The following TOX2 variants were observed in gnomAD, a reference collection of about 807,000 sequenced individuals.
TOX2 encodes the protein TOX high mobility group box family member 2.
A neutral mutation model predicts 47.4 loss-of-function variants in TOX2; 15 were observed. The ratio of observed to expected loss-of-function variants is 0.32; its 90% CI spans 0.21 to 0.49. The LOEUF is 0.49. TOX2 is among the 20% of genes least tolerant of loss of function. The pLI is 0.99. For synonymous variants in TOX2, 290 were observed against 296.6 expected (o/e 0.98, Z 0.23); for missense variants, 622 against 673.1 (o/e 0.92, Z 0.84).
At chr20:44,000,277 G>A (rs1216291442) in intron 2 of TOX2, among the ~76,000 whole-genome samples, 1 of 152,190 alleles carries the variant, frequency 6.6e-6, no homozygotes, top group African/African-American at 2.4e-5. Context: ...AGGCAGGGAG[G>A]CCAAGAGGCC....
chr20:44,038,933 TC>T, intron 3 of TOX2: 1 of 1,182,698 alleles, frequency 8.5e-7, no homozygotes, highest in African/African-American at 1.6e-5. Flanking sequence ...CACAGCCGCC[TC>T]GTTCCTGCTG....
intron 5 of TOX2, among the ~76,000 whole-genome samples, chr20:44,057,466 C>A (rs2071641176): frequency 1.3e-5 from 2 of 151,642 alleles, no homozygotes; most frequent in African/African-American, 2.4e-5. Context: ...CACTAATAAC[C>A]AAGAGAGGTA....
intron 1 of TOX2, among the ~76,000 whole-genome samples, chr20:43,946,481 G>T (rs1316959187): frequency 6.6e-6 from 1 of 152,140 alleles, no homozygotes; most frequent in Non-Finnish European, 1.5e-5. Context: ...AAGGCAAGAC[G>T]GGTGAGAAGC....
rs748564309 is a variant in TOX2 at position 44,054,399 on chromosome 20, C to T, written c.752C>T (p.Ser251Leu). ...KDPNEPQKPVSAYALFFRDTQ... is the reference protein window; with the variant it reads ...KDPNEPQKPVLAYALFFRDTQ... ...CCCAATGAGCCGCAGAAGCCTGTGTCGGCCTACGCACTCTTCTTCAGAGAC... is the reference window on the plus strand; with the variant it reads ...CCCAATGAGCCGCAGAAGCCTGTGTTGGCCTACGCACTCTTCTTCAGAGAC... Residue 251 changes from serine (S) to leucine (L), a missense_variant, in exon 5 of 9, where the codon TCG (serine) becomes TTG (leucine). Transcript: ENST00000341197. 4 of 1,611,884 alleles carry T rather than the reference C, an allele frequency of 2.5e-6. No individual in the cohort carries two copies. Among genetic ancestry groups the T allele is most frequent in the African/African-American group, 1.3e-5 (1 of 74,626 alleles).
At chr20:43,931,715 T>C (rs961930438) in intron 1 of TOX2, among the ~76,000 whole-genome samples, 5 of 151,942 alleles carry the variant, frequency 3.3e-5, no homozygotes, top group Non-Finnish European at 4.4e-5. Context: ...GGGGCAAGAG[T>C]GGAGGCAGGA....
chr20:43,983,330 G>A (rs1324410286), intron 2 of TOX2, among the ~76,000 whole-genome samples: 1 of 152,184 alleles, frequency 6.6e-6, no homozygotes, highest in Non-Finnish European at 1.5e-5. Context: ...CCACCATCAT[G>A]TTTGTGCAGC....
chr20:44,030,355 A>C (rs965393322), intron 3 of TOX2, among the ~76,000 whole-genome samples: 3 of 152,144 alleles, frequency 2.0e-5, no homozygotes, highest in Admixed American at 1.3e-4. Flanking sequence ...GGAAGTTGCC[A>C]CCTACTCTTA....
chr20:43,943,802 A>G (rs1374846872), intron 1 of TOX2, among the ~76,000 whole-genome samples: 2 of 152,220 alleles, frequency 1.3e-5, no homozygotes, highest in African/African-American at 4.8e-5. Flanking sequence ...GCTTCTTGCA[A>G]CATCAACAAA....
intron 2 of TOX2, among the ~76,000 whole-genome samples, chr20:43,982,682 G>A (rs1187865287): frequency 5.3e-5 from 8 of 151,862 alleles, no homozygotes; most frequent in Non-Finnish European, 1.5e-5. Context: ...CTGAGCTGAA[G>A]GGCCCTGGAA....
intron 1 of TOX2, among the ~76,000 whole-genome samples, chr20:43,929,176 A>T (rs2069219901): frequency 6.6e-6 from 1 of 151,990 alleles, no homozygotes; most frequent in Non-Finnish European, 1.5e-5. Flanking sequence ...ACAAACAAAC[A>T]AACAAACAAA....
intron 1 of TOX2, among the ~76,000 whole-genome samples, chr20:43,953,602 TG>T (rs2069618124): frequency 6.6e-6 from 1 of 152,156 alleles, no homozygotes; most frequent in East Asian, 1.9e-4. Context: ...GTAAAGGACT[TG>T]TCTCTGGGGA....
chr20:44,060,775 G>T (rs559488869), intron 5 of TOX2, among the ~76,000 whole-genome samples: 19 of 151,402 alleles, frequency 1.3e-4, no homozygotes, highest in Non-Finnish European at 2.5e-4. Context: ...TAAGAGGAAA[G>T]GTCATAGCAT....
At chr20:44,057,777 A>G (rs929551450) in intron 5 of TOX2, among the ~76,000 whole-genome samples, 3 of 152,244 alleles carry the variant, frequency 2.0e-5, no homozygotes, top group African/African-American at 7.2e-5. Context: ...TGGGCTCAGC[A>G]GGATGGTTCT....
chr20:43,931,737 A>G (rs1227814916), intron 1 of TOX2, among the ~76,000 whole-genome samples: 1 of 152,142 alleles, frequency 6.6e-6, no homozygotes, highest in Non-Finnish European at 1.5e-5. Context: ...AATAGTTGGG[A>G]GGTGGTGCCT....
At chr20:44,046,544 C>A (rs879759051) in intron 3 of TOX2, among the ~76,000 whole-genome samples, 1 of 152,172 alleles carries the variant, frequency 6.6e-6, no homozygotes, top group South Asian at 2.1e-4. Flanking sequence ...AATGCCCAAC[C>A]AACTGCCTAC....
At chr20:44,036,215 A>C (rs977496738) in intron 3 of TOX2, among the ~76,000 whole-genome samples, 1 of 152,190 alleles carries the variant, frequency 6.6e-6, no homozygotes, top group Non-Finnish European at 1.5e-5. Flanking sequence ...TTTTAGAGAG[A>C]GGCTACAACG....
chr20:43,944,438 T>C (rs1434743993), intron 1 of TOX2, among the ~76,000 whole-genome samples: 1 of 152,084 alleles, frequency 6.6e-6, no homozygotes, highest in Non-Finnish European at 1.5e-5. Flanking sequence ...AAGCAGTCAG[T>C]TGTGTGAAGG....
chr20:43,951,705 A>ATGTTT (rs1555832468), intron 1 of TOX2, among the ~76,000 whole-genome samples: 4 of 30,388 alleles, frequency 1.3e-4, no homozygotes, highest in Admixed American at 7.7e-4. Flanking sequence ...TAAACTTATT[A>ATGTTT]TGTTTTTTTT....
At chr20:44,030,953 A>T (rs919071623) in intron 3 of TOX2, among the ~76,000 whole-genome samples, 2 of 152,196 alleles carry the variant, frequency 1.3e-5, no homozygotes, top group African/African-American at 2.4e-5. Flanking sequence ...ATTCTTCCTT[A>T]AAAACCCTCA....
Sources: gnomAD v4.1 joint callset for allele counts (sites outside exome capture counted in the v4.1 genomes callset) on GRCh38, gnomAD v4.1.1 for gene constraint, MANE v1.5 for transcripts, NCBI Gene and HGNC (gene_info 2026-07-23, HGNC 2026-07-21) for gene names.